KIAA1328: variants seen among roughly 807,000 people sequenced by gnomAD.
KIAA1328 encodes the protein protein hinderin.
KIAA1328 carries 52 observed loss-of-function variants against 68.1 expected under a neutral mutation model. That is an observed-to-expected ratio of 0.76 (90% CI 0.61 to 0.96). The LOEUF (loss-of-function observed/expected upper bound fraction) is 0.96, where lower values mean the gene tolerates loss of function less well. Among genes scored for constraint, KIAA1328 ranks in the 40% least tolerant of loss-of-function variants. The probability of loss-of-function intolerance (pLI) is 0.00; values close to 1 mark genes in which losing one functional copy is unlikely to be tolerated. For missense variants in KIAA1328, 641 were observed against 677.6 expected (o/e 0.95, Z 0.60); for synonymous variants, 232 against 239.4 (o/e 0.97, Z 0.28).
chr18:37,082,109 T>C (rs1295318649), intron 7 of KIAA1328, among the ~76,000 whole-genome samples: 2 of 151,882 alleles, frequency 1.3e-5, no homozygotes, highest in East Asian at 1.9e-4. Context: ...TTTTTATATA[T>C]ATATACTTTT....
At chr18:36,856,184 G>A (rs944294854) in intron 4 of KIAA1328, among the ~76,000 whole-genome samples, 9 of 151,906 alleles carry the variant, frequency 5.9e-5, no homozygotes, top group African/African-American at 2.2e-4. Context: ...CCTCCTTGGA[G>A]TTTGTTGACA....
At chr18:37,128,358 C>T (rs1568442390) in intron 7 of KIAA1328, among the ~76,000 whole-genome samples, 1 of 152,034 alleles carries the variant, frequency 6.6e-6, no homozygotes, top group African/African-American at 2.4e-5. Context: ...CCTGTAATCC[C>T]AGGTTCTCGG....
At chr18:37,205,727 G>A (rs560066325) in intron 9 of KIAA1328, among the ~76,000 whole-genome samples, 10 of 152,158 alleles carry the variant, frequency 6.6e-5, no homozygotes, top group East Asian at 3.9e-4. Context: ...ATTTTAATTC[G>A]GTTTTCCATC....
At chr18:36,959,893 T>G (rs2051586169) in intron 6 of KIAA1328, among the ~76,000 whole-genome samples, 1 of 152,244 alleles carries the variant, frequency 6.6e-6, no homozygotes, top group African/African-American at 2.4e-5. Context: ...ATACATATAT[T>G]AATCACATAA....
At chr18:37,087,958 CT>C (rs2057154101) in intron 7 of KIAA1328, among the ~76,000 whole-genome samples, 1 of 152,188 alleles carries the variant, frequency 6.6e-6, no homozygotes, top group Non-Finnish European at 1.5e-5. Context: ...CTCCAGTCAT[CT>C]TCATACAATG....
intron 6 of KIAA1328, among the ~76,000 whole-genome samples, chr18:36,961,617 C>T (rs1423253581): frequency 6.6e-6 from 1 of 152,192 alleles, no homozygotes; most frequent in Non-Finnish European, 1.5e-5. Context: ...CAGTGGATCC[C>T]TCAGCAGAAA....
intron 6 of KIAA1328, among the ~76,000 whole-genome samples, chr18:37,018,383 G>A (rs2054225746): frequency 6.6e-6 from 1 of 151,886 alleles, no homozygotes; most frequent in Non-Finnish European, 1.5e-5. Flanking sequence ...TTTTTCTCTA[G>A]CTGCCTTTAA....
intron 7 of KIAA1328, among the ~76,000 whole-genome samples, chr18:37,136,832 G>T (rs1431225709): frequency 6.6e-6 from 1 of 152,178 alleles, no homozygotes; most frequent in Non-Finnish European, 1.5e-5. Context: ...CTGACTTAAA[G>T]AGCTATTTTA....
At chr18:36,866,526 A>G (rs1391974740) in intron 4 of KIAA1328, among the ~76,000 whole-genome samples, 2 of 152,180 alleles carry the variant, frequency 1.3e-5, no homozygotes, top group Non-Finnish European at 2.9e-5. Context: ...CTCTTTGAGT[A>G]AAGACATTAA....
chr18:36,907,207 T>G (rs1292703939), intron 5 of KIAA1328, among the ~76,000 whole-genome samples: 1 of 152,092 alleles, frequency 6.6e-6, no homozygotes, highest in Non-Finnish European at 1.5e-5. Flanking sequence ...TTGCAGTTTT[T>G]ATGTGAGCAA....
intron 6 of KIAA1328, among the ~76,000 whole-genome samples, chr18:37,003,485 C>T (rs779098703): frequency 3.9e-5 from 6 of 152,008 alleles, no homozygotes; most frequent in African/African-American, 7.2e-5. Flanking sequence ...CAAACATCTC[C>T]GCAGGAAAAA....
At chr18:37,106,874 C>T (rs558535989) in intron 7 of KIAA1328, among the ~76,000 whole-genome samples, 1 of 152,192 alleles carries the variant, frequency 6.6e-6, no homozygotes, top group Non-Finnish European at 1.5e-5. Flanking sequence ...TTTTAGAGTA[C>T]ATAAGCTTTT....
chr18:37,025,766 A>G (rs1195381274), intron 6 of KIAA1328, among the ~76,000 whole-genome samples: 1 of 152,202 alleles, frequency 6.6e-6, no homozygotes, highest in Non-Finnish European at 1.5e-5. Flanking sequence ...CCACAAGAGA[A>G]AGCAGGAAAG....
chr18:37,056,477 C>T (rs2055911562), intron 6 of KIAA1328, among the ~76,000 whole-genome samples: 1 of 151,932 alleles, frequency 6.6e-6, no homozygotes, highest in Non-Finnish European at 1.5e-5. Context: ...TAGCCTGTGC[C>T]TACCCAAGTT....
At chr18:37,006,068 A>G (rs1568281796) in intron 6 of KIAA1328, among the ~76,000 whole-genome samples, 1 of 151,856 alleles carries the variant, frequency 6.6e-6, no homozygotes, top group Non-Finnish European at 1.5e-5. Context: ...ACAAAAATGT[A>G]TTGTAATCAG....
At chr18:37,058,601 A>C (rs186950195) in intron 6 of KIAA1328, among the ~76,000 whole-genome samples, 1 of 152,162 alleles carries the variant, frequency 6.6e-6, no homozygotes, top group East Asian at 1.9e-4. Context: ...AGTCCCAACT[A>C]CTTGGGAGGC....
At chr18:37,043,793 A>G (rs1402153229) in intron 6 of KIAA1328, among the ~76,000 whole-genome samples, 3 of 152,168 alleles carry the variant, frequency 2.0e-5, no homozygotes, top group Non-Finnish European at 4.4e-5. Context: ...TTGAGCATGT[A>G]TTCCTCCTTC....
At chr18:36,872,235 C>G (rs897825481) in intron 4 of KIAA1328, among the ~76,000 whole-genome samples, 1 of 151,844 alleles carries the variant, frequency 6.6e-6, no homozygotes. Context: ...ATATGCTGGT[C>G]CAAGAACTAT....
rs189439447 is a variant in KIAA1328, at chr18:37,181,983, C to G, written c.1523+8902C>G. ...CAAAAACCCTAAAGTTACTCTTGGC[C>G]CATATGACATAAATATCTTATTTCC... On this transcript the variant is annotated intron_variant, in intron 9 of 9. Transcript: ENST00000280020. Among the ~76,000 whole-genome samples, 9 of 152,258 alleles carry G rather than the reference C, an allele frequency of 5.9e-5. No individual in the cohort carries two copies. The East Asian group carries it at 1.7e-3, about 29-fold the overall frequency.
Sources: allele counts gnomAD v4.1 joint callset (sites outside exome capture counted in the v4.1 genomes callset), GRCh38; gene constraint gnomAD v4.1.1; transcripts MANE v1.5; gene names NCBI Gene and HGNC (gene_info 2026-07-23, HGNC 2026-07-21).